GFRA1: variants seen among roughly 807,000 people sequenced by gnomAD.
GFRA1 encodes the protein GDNF family receptor alpha 1.
GFRA1 carries 16 observed loss-of-function variants against 51.6 expected under a neutral mutation model. The ratio of observed to expected loss-of-function variants is 0.31; its 90% CI spans 0.21 to 0.47. GFRA1 has a LOEUF of 0.47. Ranked by LOEUF, GFRA1 falls within the 20% of genes least tolerant of loss-of-function variation. GFRA1 has a pLI of 1.00. For missense variants in GFRA1, 530 were observed against 594.3 expected (o/e 0.89, Z 1.13); for synonymous variants, 270 against 241.3 (o/e 1.12, Z -1.10).
intron 5 of GFRA1, among the ~76,000 whole-genome samples, chr10:116,172,951 T>G (rs1283834546): frequency 3.0e-4 from 46 of 152,138 alleles, no homozygotes; most frequent in Admixed American, 2.9e-3. Context: ...CCCAGAGGTA[T>G]AAGAATATAA....
chr10:116,267,359 G>A (rs1287639863), intron 4 of GFRA1, among the ~76,000 whole-genome samples: 1 of 151,892 alleles, frequency 6.6e-6, no homozygotes, highest in Non-Finnish European at 1.5e-5. Flanking sequence ...CCAGCTACTC[G>A]GGAGGCTGAG....
intron 6 of GFRA1, among the ~76,000 whole-genome samples, chr10:116,098,085 T>C (rs528244852): frequency 1.3e-4 from 20 of 152,194 alleles, no homozygotes; most frequent in Non-Finnish European, 2.8e-4. Context: ...CCCTATCTGA[T>C]CCCATCTTGT....
chr10:116,078,738 G>A (rs555974814), intron 9 of GFRA1, among the ~76,000 whole-genome samples: 106 of 152,210 alleles, frequency 7.0e-4, no homozygotes, highest in Non-Finnish European at 1.3e-3. Flanking sequence ...CTAGAAAACA[G>A]TCTGTATCAC....
chr10:116,108,425 G>A (rs2694799), intron 6 of GFRA1, among the ~76,000 whole-genome samples: 26,389 of 152,062 alleles, frequency 0.17, 2,323 homozygotes, highest in East Asian at 0.22. Context: ...GGGAAATTCC[G>A]TAACTCCTAT....
intron 5 of GFRA1, among the ~76,000 whole-genome samples, chr10:116,196,587 ACTATATATAATAT>A (rs1963802335): frequency 6.3e-5 from 1 of 15,766 alleles, no homozygotes; most frequent in Non-Finnish European, 2.2e-4. Context: ...AATATATAGT[ACTATATATAATAT>A]ATATATAGTA....
At chr10:116,206,079 G>A (rs1368066293) in intron 5 of GFRA1, among the ~76,000 whole-genome samples, 1 of 152,042 alleles carries the variant, frequency 6.6e-6, no homozygotes. Context: ...TGAAACATTT[G>A]CACAGAGGAG....
intron 5 of GFRA1, among the ~76,000 whole-genome samples, chr10:116,180,793 C>T (rs528860113): frequency 3.2e-4 from 49 of 152,278 alleles, no homozygotes; most frequent in African/African-American, 1.2e-3. Context: ...TTCCACCACC[C>T]CTCCACCACC....
intron 6 of GFRA1, among the ~76,000 whole-genome samples, chr10:116,112,091 T>C (rs1440484861): frequency 1.3e-5 from 2 of 152,248 alleles, no homozygotes; most frequent in Non-Finnish European, 2.9e-5. Flanking sequence ...GCCATAATAC[T>C]GTATTTGTAG....
At chr10:116,263,182 C>T (rs1055110147) in intron 4 of GFRA1, among the ~76,000 whole-genome samples, 2 of 152,124 alleles carry the variant, frequency 1.3e-5, no homozygotes, top group African/African-American at 4.8e-5. Flanking sequence ...TTCCTGAAGG[C>T]TCAGGTTTGC....
intron 4 of GFRA1, among the ~76,000 whole-genome samples, chr10:116,264,987 G>T (rs1394353660): frequency 6.6e-6 from 1 of 152,210 alleles, no homozygotes; most frequent in Non-Finnish European, 1.5e-5. Context: ...TCTCCAACAT[G>T]TAGACTTTGT....
At chr10:116,134,984 T>A (rs1958262408) in intron 5 of GFRA1, among the ~76,000 whole-genome samples, 1 of 152,232 alleles carries the variant, frequency 6.6e-6, no homozygotes, top group South Asian at 2.1e-4. Context: ...AATTAACCTT[T>A]CCAACCTCCT....
chr10:116,069,449 C>T (rs978551641), intron 9 of GFRA1, among the ~76,000 whole-genome samples: 2 of 152,084 alleles, frequency 1.3e-5, no homozygotes, highest in African/African-American at 2.4e-5. Context: ...AAACCAAACG[C>T]CTTCCCTACA....
chr10:116,273,698 A>T (rs946971343), upstream of GFRA1, among the ~76,000 whole-genome samples: 329 of 151,910 alleles, frequency 2.2e-3, no homozygotes, highest in African/African-American at 7.6e-3. Context: ...TCTCTCTCAC[A>T]CACACACACA....
intron 6 of GFRA1, among the ~76,000 whole-genome samples, chr10:116,115,358 G>A (rs528440283): frequency 6.6e-6 from 1 of 152,072 alleles, no homozygotes; most frequent in African/African-American, 2.4e-5. Flanking sequence ...GAGGGAAGAG[G>A]TGACTGCCAG....
At chr10:116,187,615 C>T (rs1464676088) in intron 5 of GFRA1, among the ~76,000 whole-genome samples, 1 of 152,288 alleles carries the variant, frequency 6.6e-6, no homozygotes, top group Non-Finnish European at 1.5e-5. Flanking sequence ...CAAGGGTTGA[C>T]TTTTCTATGC....
intron 6 of GFRA1, among the ~76,000 whole-genome samples, chr10:116,104,133 G>A (rs910935459): frequency 1.3e-5 from 2 of 152,216 alleles, no homozygotes; most frequent in Admixed American, 1.3e-4. Context: ...GGTTCCCACT[G>A]GTAGTGGGAT....
chr10:116,123,546 C>T (rs186623469), intron 6 of GFRA1, among the ~76,000 whole-genome samples: 49 of 152,090 alleles, frequency 3.2e-4, no homozygotes, highest in Admixed American at 3.1e-3. Flanking sequence ...CAGAATAAAA[C>T]TTAAGTTGAA....
intron 4 of GFRA1, among the ~76,000 whole-genome samples, chr10:116,245,898 G>C (rs994011775): frequency 6.6e-6 from 1 of 152,176 alleles, no homozygotes; most frequent in Non-Finnish European, 1.5e-5. Flanking sequence ...ACAGTAAAAA[G>C]ACCAGTGGCT....
At chr10:116,238,838 C>A (rs1362346519) in intron 4 of GFRA1, among the ~76,000 whole-genome samples, 1 of 152,126 alleles carries the variant, frequency 6.6e-6, no homozygotes, top group African/African-American at 2.4e-5. Flanking sequence ...CAAAAAAAAT[C>A]TGTAATTTTT....
Sources: gnomAD v4.1 joint callset for allele counts (sites outside exome capture counted in the v4.1 genomes callset) on GRCh38, gnomAD v4.1.1 for gene constraint, MANE v1.5 for transcripts, NCBI Gene and HGNC (gene_info 2026-07-23, HGNC 2026-07-21) for gene names.